The following WIPF2 variants were observed in gnomAD, a reference collection of about 807,000 sequenced individuals.
WIPF2 encodes the protein WAS/WASL interacting protein family member 2.
WIPF2 carries 23 observed loss-of-function variants against 38.8 expected under a neutral mutation model. The ratio of observed to expected loss-of-function variants is 0.59; its 90% confidence interval spans 0.43 to 0.84. The LOEUF (loss-of-function observed/expected upper bound fraction) is 0.84, where lower values mean the gene tolerates loss of function less well. Among genes scored for constraint, WIPF2 ranks in the 40% least tolerant of loss-of-function variants. The probability of loss-of-function intolerance (pLI) is 0.00; values close to 1 mark genes in which losing one functional copy is unlikely to be tolerated. For synonymous variants in WIPF2, 210 were observed against 223.2 expected (o/e 0.94, Z 0.53); for missense variants, 574 against 580.5 (o/e 0.99, Z 0.11).
rs754977127 is a variant in WIPF2 at position 40,281,861 on chromosome 17, T to C, written c.*3636T>C. ...TCTGAGGCCCTATGATGGCACTACA[T>C]TGAGCTGTCTGCCCTTCCGGAAACC... On this transcript the variant is annotated 3_prime_UTR_variant, in exon 8 of 8. Transcript: ENST00000323571. 6.6e-6 allele frequency: 1 copy of C among 152,524 alleles called. No individual in the cohort carries two copies. The highest frequency in any genetic ancestry group is 1.5e-5 in the Non-Finnish European group (1 of 68,046). 9.4% of individuals were successfully genotyped at this position (152,524 alleles called of 1,614,324 possible). A position where few individuals can be genotyped will look rare whatever the true frequency, so the allele number is the denominator to read the frequency against.
intron 1 of WIPF2, 140 bp from the exon 2 acceptor site, chr17:40,256,251 A>C (rs2031727767): frequency 1.7e-6 from 1 of 591,024 alleles, no homozygotes; most frequent in African/African-American, 2.0e-5. Context: ...CAGATTTACC[A>C]AGCCCTGGAC....
chr17:40,263,581 C>T (rs991124816), intron 4 of WIPF2, among the ~76,000 whole-genome samples: 8 of 112,554 alleles, frequency 7.1e-5, no homozygotes, highest in East Asian at 3.0e-4. Flanking sequence ...CTTGCTCTGT[C>T]GCCCAGGCTG....
At chr17:40,269,123 A>T (rs530282994) in intron 5 of WIPF2, among the ~76,000 whole-genome samples, 3 of 152,162 alleles carry the variant, frequency 2.0e-5, no homozygotes, top group Non-Finnish European at 4.4e-5. Flanking sequence ...GTTCAAGACC[A>T]GCCTGGCCAA....
At position 40,256,310 on chromosome 17, in the gene WIPF2, C is replaced by T. The variant is rs552265133; in HGVS notation, c.-69-81C>T. The T allele has an allele frequency of 2.6e-6, 3 of 1,149,302 alleles. No individual in the cohort carries two copies. The South Asian group carries it at 4.6e-5, about 18-fold the overall frequency. 71.2% of individuals were successfully genotyped at this position (1,149,302 alleles called of 1,614,324 possible). ...TAAGGTGTTCAGTCTCTTTTGATTA[C>T]CATGCCCAGTTCTCTCATTCTCCTG... On this transcript the variant is annotated intron_variant, in intron 1 of 7. Coordinates refer to ENST00000323571, the MANE Select transcript of WIPF2 (RefSeq NM_133264.5).
At chr17:40,277,708 A>C (rs934483869) in intron 7 of WIPF2, among the ~76,000 whole-genome samples, 1 of 116,356 alleles carries the variant, frequency 8.6e-6, no homozygotes, top group Non-Finnish European at 1.7e-5. Context: ...ATTGCTTCTC[A>C]TCATCTTCGT....
chr17:40,276,930 C>G (rs2145417834), intron 6 of WIPF2, among the ~76,000 whole-genome samples, 153 bp from the exon 7 acceptor site: 1 of 152,330 alleles, frequency 6.6e-6, no homozygotes, highest in South Asian at 2.1e-4. Flanking sequence ...GATGCTGCTG[C>G]TGTTCTCAGG....
rs1212769465 is a variant in WIPF2, at chr17:40,265,031, G to A, written c.855G>A (p.Arg285=). 2 of 1,613,896 alleles carry A rather than the reference G, an allele frequency of 1.2e-6. No homozygotes were observed. The highest frequency in any genetic ancestry group is 1.3e-5 in the African/African-American group (1 of 74,876). Residue 285 remains arginine, a synonymous_variant, in exon 5 of 8, where the codon AGG becomes AGA. Coordinates refer to ENST00000323571, the MANE Select transcript of WIPF2 (RefSeq NM_133264.5). The part of the protein sequence containing the change: ...ELPQRHNSLH[R]KTPGPVRGLA... ...CACAGAGACACAATTCTTTGCATAG[G>A]AAGACACCAGGGCCTGTCAGAGGCC...
At chr17:40,224,130 T>C (rs2030372179) in intron 1 of WIPF2, among the ~76,000 whole-genome samples, 1 of 151,908 alleles carries the variant, frequency 6.6e-6, no homozygotes, top group African/African-American at 2.4e-5. Context: ...GTGTACCTTT[T>C]TGGTTTGTTT....
Position 40,284,073 on chromosome 17 carries a change from C to T in WIPF2, c.*5848C>T, listed in dbSNP as rs1241710025. 6.6e-6 allele frequency: 1 copy of T among 152,200 alleles called. No individual in the cohort carries two copies. The highest frequency in any genetic ancestry group is 1.5e-5 in the Non-Finnish European group (1 of 68,026). 9.4% of individuals were successfully genotyped at this position (152,200 alleles called of 1,614,324 possible). A position where few individuals can be genotyped will look rare whatever the true frequency, so the allele number is the denominator to read the frequency against. ...TCCGTACTTCCCAGATGGGCTGAAT[C>T]TCCGATTATTTGACCCATCATTGTT... is the stretch of plus-strand genomic sequence containing the variant. On this transcript the variant is annotated 3_prime_UTR_variant, in exon 8 of 8. Transcript: ENST00000323571.
chr17:40,250,874 G>A (rs182699367), intron 1 of WIPF2, among the ~76,000 whole-genome samples: 124 of 150,026 alleles, frequency 8.3e-4, no homozygotes, highest in Non-Finnish European at 1.5e-3. Flanking sequence ...TGAGGTTACA[G>A]TGAGCTATGA....
At chr17:40,265,978 A>C (rs146678413) in intron 5 of WIPF2, among the ~76,000 whole-genome samples, 18 of 152,274 alleles carry the variant, frequency 1.2e-4, no homozygotes, top group South Asian at 6.2e-4. Flanking sequence ...GATGCCTGTT[A>C]GGTAATCAAG....
intron 1 of WIPF2, among the ~76,000 whole-genome samples, chr17:40,252,812 G>A (rs2031600292): frequency 6.6e-6 from 1 of 151,434 alleles, no homozygotes; most frequent in Non-Finnish European, 1.5e-5. Flanking sequence ...TGCCCAGGCT[G>A]GAGTACAATG....
intron 5 of WIPF2, among the ~76,000 whole-genome samples, chr17:40,270,882 T>TTGTGTGTGTGTGTG (rs373553389): frequency 0.026 from 3,980 of 150,424 alleles, 74 homozygotes; most frequent in African/African-American, 0.039. Context: ...TTGTGCCAGA[T>TTGTGTGTGTGTGTG]TGTGTGTGTG....
intron 1 of WIPF2, among the ~76,000 whole-genome samples, chr17:40,235,569 C>CTTTT (rs777748624): frequency 2.5e-5 from 3 of 119,874 alleles, no homozygotes; most frequent in Non-Finnish European, 3.5e-5. Context: ...GAGAGTGAGA[C>CTTTT]TTTTTTTTTT....
rs1598457472 is a variant in WIPF2, at chr17:40,219,351, G to T, written c.-211G>T. 3 of 385,564 alleles carry T rather than the reference G, an allele frequency of 7.8e-6. No homozygotes were observed. The highest frequency in any genetic ancestry group is 1.2e-4 in the East Asian group (2 of 17,342). 23.9% of individuals were successfully genotyped at this position (385,564 alleles called of 1,614,324 possible). The stretch of plus-strand genomic sequence containing the variant: ...ACGGTGGGAGCAGATCCATTTCCGG[G>T]TTGGCAAAAGGGGCGGTGGCGGCGG... On this transcript the variant is annotated 5_prime_UTR_variant, in exon 1 of 8. Coordinates refer to ENST00000323571, the MANE Select transcript of WIPF2 (RefSeq NM_133264.5).
chr17:40,266,118 TAAG>T (rs1396437082), intron 5 of WIPF2, among the ~76,000 whole-genome samples: 3 of 149,924 alleles, frequency 2.0e-5, no homozygotes, highest in South Asian at 4.2e-4. Flanking sequence ...TGAATATAGA[TAAG>T]AAGAGGCCTA....
At chr17:40,242,454 C>T (rs2031223505) in intron 1 of WIPF2, among the ~76,000 whole-genome samples, 1 of 152,082 alleles carries the variant, frequency 6.6e-6, no homozygotes, top group African/African-American at 2.4e-5. Flanking sequence ...CTCTGTTACC[C>T]AGTGGCACAA....
chr17:40,243,913 A>G (rs2031275941), intron 1 of WIPF2, among the ~76,000 whole-genome samples: 1 of 152,118 alleles, frequency 6.6e-6, no homozygotes, highest in African/African-American at 2.4e-5. Context: ...AATTTCTGTG[A>G]TGAAAATTTC....
At chr17:40,255,861 C>T (rs890235060) in intron 1 of WIPF2, among the ~76,000 whole-genome samples, 4 of 145,602 alleles carry the variant, frequency 2.7e-5, no homozygotes, top group Middle Eastern at 4.1e-3. Context: ...CTCCTGACTT[C>T]GTGATCCACC....
Sources: gnomAD v4.1 joint callset for allele counts (sites outside exome capture counted in the v4.1 genomes callset) on GRCh38, gnomAD v4.1.1 for gene constraint, MANE v1.5 for transcripts, NCBI Gene and HGNC (gene_info 2026-07-23, HGNC 2026-07-21) for gene names.